SLC22A3: variants seen among roughly 807,000 people sequenced by gnomAD.
The protein encoded by SLC22A3 is EMT organic cation transporter 3.
In SLC22A3, 51 loss-of-function variants were observed where a neutral mutation model predicts 59.1. The observed-to-expected ratio is 0.86, with a 90% CI of 0.69 to 1.09. The LOEUF (loss-of-function observed/expected upper bound fraction) is 1.09, where lower values mean the gene tolerates loss of function less well. Ranked by LOEUF, SLC22A3 falls within the 50% of genes least tolerant of loss-of-function variation. The probability of loss-of-function intolerance (pLI) is 0.00; values close to 1 mark genes in which losing one functional copy is unlikely to be tolerated. For missense variants in SLC22A3, 711 were observed against 726.3 expected (o/e 0.98, Z 0.24); for synonymous variants, 325 against 292.0 (o/e 1.11, Z -1.15).
intron 2 of SLC22A3, among the ~76,000 whole-genome samples, chr6:160,405,323 A>G (rs891002869): frequency 6.6e-6 from 1 of 152,126 alleles, no homozygotes; most frequent in Admixed American, 6.6e-5. Context: ...GTCATATATC[A>G]TCAGGGAAAT....
chr6:160,414,512 T>C (rs1787390592), intron 5 of SLC22A3, among the ~76,000 whole-genome samples: 1 of 152,224 alleles, frequency 6.6e-6, no homozygotes, highest in Non-Finnish European at 1.5e-5. Flanking sequence ...ATTAGTCTGT[T>C]CTCACACTGC....
chr6:160,350,217 C>A (rs1397092890), intron 1 of SLC22A3, among the ~76,000 whole-genome samples: 1 of 151,230 alleles, frequency 6.6e-6, no homozygotes, highest in African/African-American at 2.4e-5. Context: ...AGGGATAAAA[C>A]CCCCTGGCAG....
intron 1 of SLC22A3, among the ~76,000 whole-genome samples, chr6:160,375,452 A>AC (rs1785556008): frequency 6.6e-6 from 1 of 151,420 alleles, no homozygotes; most frequent in African/African-American, 2.4e-5. Context: ...TAGCCCCCCC[A>AC]CCACCCTCCA....
chr6:160,434,417 G>C (rs150365790), intron 5 of SLC22A3, among the ~76,000 whole-genome samples: 224 of 152,304 alleles, frequency 1.5e-3, no homozygotes, highest in Middle Eastern at 6.8e-3. Flanking sequence ...ATTCCTGGCT[G>C]ATTTACCTGT....
Position 160,368,582 on chromosome 6 carries a change from A to G in SLC22A3, c.429+19734A>G, listed in dbSNP as rs891775594. On this transcript the variant is annotated intron_variant, in intron 1 of 10. Transcript: ENST00000275300. The stretch of plus-strand genomic sequence containing the variant: ...ACCTGTAATTCCCTGTCATAGGCAC[A>G]TTCATCATCTCTACATTCTCACCTT... Among the ~76,000 whole-genome samples, 5 of 152,244 alleles carry G rather than the reference A, an allele frequency of 3.3e-5. No individual in the cohort carries two copies. In the East Asian group the frequency reaches 7.7e-4, roughly 24 times the overall value.
intron 1 of SLC22A3, among the ~76,000 whole-genome samples, chr6:160,376,536 A>G (rs1785602110): frequency 2.0e-5 from 3 of 152,116 alleles, no homozygotes; most frequent in Admixed American, 2.0e-4. Flanking sequence ...TTTTTTTTTA[A>G]GTGAATTTTA....
chr6:160,370,115 T>TA (rs1304216683), intron 1 of SLC22A3, among the ~76,000 whole-genome samples: 1 of 152,204 alleles, frequency 6.6e-6, no homozygotes, highest in East Asian at 1.9e-4. Context: ...GTGTGTTCTA[T>TA]AATAGCTCAC....
At chr6:160,363,298 G>A (rs554841262) in intron 1 of SLC22A3, among the ~76,000 whole-genome samples, 1 of 152,342 alleles carries the variant, frequency 6.6e-6, no homozygotes, top group South Asian at 2.1e-4. Context: ...CGCTTCTGTC[G>A]TGACCCCTTG....
At chr6:160,387,158 G>C (rs1038723086) in intron 1 of SLC22A3, among the ~76,000 whole-genome samples, 2 of 152,210 alleles carry the variant, frequency 1.3e-5, no homozygotes, top group Admixed American at 6.5e-5. Context: ...ATAGCAAGTT[G>C]CCGAGGCCAG....
rs991632584 is a variant in SLC22A3, at chr6:160,451,162, G to A, written c.*106G>A. ...GTGCATTTCAGCTACATCATGCCGC[G>A]CTGTTGTAATACTGTATAAAGACCT... On this transcript the variant is annotated 3_prime_UTR_variant, in exon 11 of 11. Coordinates refer to ENST00000275300, the MANE Select transcript of SLC22A3 (RefSeq NM_021977.4). 136 of 1,000,172 alleles carry A rather than the reference G, an allele frequency of 1.4e-4. No individual in the cohort carries two copies. The highest frequency in any genetic ancestry group is 2.4e-4 in the African/African-American group (15 of 62,404). The allele number at this position is 1,000,172 out of a possible 1,614,324, so 62.0% of individuals were successfully genotyped here. A position where few individuals can be genotyped will look rare whatever the true frequency, so the allele number is the denominator to read the frequency against.
intron 7 of SLC22A3, among the ~76,000 whole-genome samples, chr6:160,440,861 A>G (rs1788513027): frequency 6.6e-6 from 1 of 152,156 alleles, no homozygotes; most frequent in African/African-American, 2.4e-5. Context: ...CGGACAGACC[A>G]CATCTCCACA....
rs1215709649 is a variant in SLC22A3, at chr6:160,452,504, C to CTGT, written c.*1451_*1453dup. On this transcript the variant is annotated 3_prime_UTR_variant, in exon 11 of 11. Transcript: ENST00000275300. ...TCTGCATTTCTCTGCTGTAAGATGA[C>CTGT]TGTTGCATTGTTGAATTGTATTTTG... The CTGT allele has an allele frequency of 7.2e-5, 11 of 152,156 alleles. No homozygotes were observed. Among genetic ancestry groups the CTGT allele is most frequent in the Admixed American group, 2.0e-4 (3 of 15,284 alleles). 9.4% of individuals were successfully genotyped at this position (152,156 alleles called of 1,614,324 possible).
intron 9 of SLC22A3, among the ~76,000 whole-genome samples, chr6:160,445,874 G>A (rs73592938): frequency 2.3e-3 from 344 of 152,352 alleles, no homozygotes; most frequent in African/African-American, 7.7e-3. Context: ...AAGAGTTCAA[G>A]TGGAAATAGA....
intron 1 of SLC22A3, among the ~76,000 whole-genome samples, chr6:160,367,770 T>G (rs1785257382): frequency 6.6e-6 from 1 of 152,190 alleles, no homozygotes; most frequent in Admixed American, 6.5e-5. Context: ...TTACGGGTGC[T>G]GGGACACTGC....
intron 2 of SLC22A3, among the ~76,000 whole-genome samples, chr6:160,403,637 A>G (rs1786881233): frequency 6.6e-6 from 1 of 151,676 alleles, no homozygotes; most frequent in Non-Finnish European, 1.5e-5. Context: ...AAGTGCAAAA[A>G]TCCTCAACAA....
At chr6:160,363,148 C>T (rs188833819) in intron 1 of SLC22A3, among the ~76,000 whole-genome samples, 19 of 152,310 alleles carry the variant, frequency 1.2e-4, no homozygotes, top group Admixed American at 1.1e-3. Context: ...GTGGAAGGTC[C>T]GAGAAGAGGC....
Position 160,355,830 on chromosome 6 carries a change from G to A in SLC22A3, c.429+6982G>A, listed in dbSNP as rs140334981. Among the ~76,000 whole-genome samples, 13 of 152,152 alleles carry A rather than the reference G, an allele frequency of 8.5e-5. No individual in the cohort carries two copies. In the East Asian group the frequency reaches 1.5e-3, roughly 18 times the overall value. ...TTGTCTTTTCTCATGAGGCTGTTCC[G>A]TTTTGTACCTTTACACACACCAATT... On this transcript the variant is annotated intron_variant, in intron 1 of 10. Coordinates refer to ENST00000275300, the MANE Select transcript of SLC22A3 (RefSeq NM_021977.4).
intron 2 of SLC22A3, among the ~76,000 whole-genome samples, chr6:160,401,932 C>G (rs1259472519): frequency 6.6e-6 from 1 of 151,408 alleles, no homozygotes; most frequent in Non-Finnish European, 1.5e-5. Context: ...TCAATGAAAC[C>G]ACAAAAGCCA....
At chr6:160,439,657 T>C (rs372599292) in intron 7 of SLC22A3, among the ~76,000 whole-genome samples, 4 of 152,246 alleles carry the variant, frequency 2.6e-5, no homozygotes, top group African/African-American at 7.2e-5. Flanking sequence ...TTTTATTTTA[T>C]AGATATAATT....
Sources: allele counts gnomAD v4.1 joint callset (sites outside exome capture counted in the v4.1 genomes callset), GRCh38; gene constraint gnomAD v4.1.1; transcripts MANE v1.5; gene names NCBI Gene and HGNC (gene_info 2026-07-23, HGNC 2026-07-21).